Variants in PRKACB observed in about 807,000 individuals in gnomAD.
PRKACB encodes the protein cAMP-dependent protein kinase catalytic subunit beta.
Under a neutral mutation model 51.4 loss-of-function variants are expected in PRKACB, and 16 were observed. The ratio of observed to expected loss-of-function variants is 0.31; its 90% confidence interval spans 0.21 to 0.47. The LOEUF (loss-of-function observed/expected upper bound fraction) is 0.47, where lower values mean the gene tolerates loss of function less well. PRKACB is among the 20% of genes least tolerant of loss of function. PRKACB has a pLI of 1.00. For synonymous variants in PRKACB, 147 were observed against 154.4 expected (o/e 0.95, Z 0.35); for missense variants, 309 against 464.5 (o/e 0.67, Z 3.08).
chr1:84,121,794 C>T (rs1215488258), intron 1 of PRKACB, among the ~76,000 whole-genome samples: 1 of 152,062 alleles, frequency 6.6e-6, no homozygotes, highest in Non-Finnish European at 1.5e-5. Context: ...TTTCAGTTCT[C>T]TTTGTGAGAG....
At chr1:84,108,588 G>T (rs1419817146) in intron 1 of PRKACB, among the ~76,000 whole-genome samples, 2 of 151,942 alleles carry the variant, frequency 1.3e-5, no homozygotes, top group Non-Finnish European at 2.9e-5. Flanking sequence ...GCTTTAATCT[G>T]TTTATTTAAT....
chr1:84,206,028 TTGTC>T (rs1410185460), intron 8 of PRKACB, among the ~76,000 whole-genome samples: 1 of 152,162 alleles, frequency 6.6e-6, no homozygotes, highest in Middle Eastern at 3.2e-3. Flanking sequence ...TATAGCACCT[TTGTC>T]TGGCTGCGTT....
At chr1:84,117,785 C>T (rs1380928804) in intron 1 of PRKACB, among the ~76,000 whole-genome samples, 1 of 152,144 alleles carries the variant, frequency 6.6e-6, no homozygotes, top group Non-Finnish European at 1.5e-5. Flanking sequence ...GCCTCTATTT[C>T]ATTTAATTCT....
chr1:84,175,057 G>C, intron 1 of PRKACB: 1 of 1,456,784 alleles, frequency 6.9e-7, no homozygotes, highest in Non-Finnish European at 9.0e-7. Context: ...GAAATATCTG[G>C]TAGGCAATTA....
chr1:84,179,324 A>T (rs1662423292), intron 2 of PRKACB, 86 bp downstream of exon 2: 16 of 1,390,800 alleles, frequency 1.2e-5, no homozygotes, highest in Non-Finnish European at 1.3e-5. Context: ...TTACTTTAGA[A>T]ATTTTAATTT....
chr1:84,195,058 G>A (rs145825794), intron 5 of PRKACB, among the ~76,000 whole-genome samples: 3 of 152,260 alleles, frequency 2.0e-5, no homozygotes, highest in African/African-American at 7.2e-5. Context: ...ATGTAAACGT[G>A]CATTTTATGT....
At chr1:84,180,415 G>T (rs1352828031) in intron 2 of PRKACB, among the ~76,000 whole-genome samples, 1 of 151,018 alleles carries the variant, frequency 6.6e-6, no homozygotes, top group Non-Finnish European at 1.5e-5. Flanking sequence ...TTGGCACTTG[G>T]TGGGGGAGAA....
At chr1:84,198,173 T>C (rs1287187467) in intron 7 of PRKACB, among the ~76,000 whole-genome samples, 1 of 152,164 alleles carries the variant, frequency 6.6e-6, no homozygotes, top group Non-Finnish European at 1.5e-5. Context: ...CTAGAGATGA[T>C]ATGTACTAGT....
intron 1 of PRKACB, among the ~76,000 whole-genome samples, chr1:84,147,494 T>C (rs1654262225): frequency 6.6e-6 from 1 of 152,098 alleles, no homozygotes; most frequent in Non-Finnish European, 1.5e-5. Context: ...CAATTTCTAC[T>C]CATTTGGTAA....
intron 1 of PRKACB, among the ~76,000 whole-genome samples, chr1:84,109,710 A>AT (rs1322481468): frequency 6.6e-6 from 1 of 151,794 alleles, no homozygotes; most frequent in East Asian, 1.9e-4. Flanking sequence ...AGCCTCTCAT[A>AT]TTTTTACTTT....
chr1:84,216,175 C>T (rs1338496973), intron 9 of PRKACB, among the ~76,000 whole-genome samples: 2 of 151,834 alleles, frequency 1.3e-5, no homozygotes, highest in Admixed American at 6.6e-5. Flanking sequence ...CCCGTCTCTA[C>T]AAAAAATACA....
intron 1 of PRKACB, among the ~76,000 whole-genome samples, chr1:84,082,429 T>C (rs983817064): frequency 6.6e-6 from 1 of 152,352 alleles, no homozygotes; most frequent in Middle Eastern, 3.4e-3. Flanking sequence ...AGATTCAATA[T>C]AGTAGAATTT....
At position 84,182,338 on chromosome 1, in the gene PRKACB, TTTG is replaced by T; in HGVS notation, c.378+16_378+18del. The T allele has an allele frequency of 5.3e-6, 8 of 1,521,440 alleles. No individual in the cohort carries two copies. The East Asian group carries it at 1.7e-4, about 32-fold the overall frequency. The allele number at this position is 1,521,440 out of a possible 1,614,324, so 94.2% of individuals were successfully genotyped here. A position where few individuals can be genotyped will look rare whatever the true frequency, so the allele number is the denominator to read the frequency against. Reference sequence around the variant, plus strand: ...CTTAGATAAGCAGAAGGTGAGTGTATTTGTTGTTATTTACCTTCAGGGTAAACT... The same window carrying T: ...CTTAGATAAGCAGAAGGTGAGTGTATTTGTTATTTACCTTCAGGGTAAACT... On this transcript the variant is annotated intron_variant, in intron 3 of 9. Transcript: ENST00000370685.
intron 1 of PRKACB, among the ~76,000 whole-genome samples, chr1:84,119,654 C>G (rs1650906326): frequency 6.6e-6 from 1 of 152,180 alleles, no homozygotes; most frequent in African/African-American, 2.4e-5. Context: ...AGCCCTAGTA[C>G]TAAATTATAA....
chr1:84,110,208 C>CACA (rs1357229602), intron 1 of PRKACB, among the ~76,000 whole-genome samples: 2 of 151,578 alleles, frequency 1.3e-5, no homozygotes, highest in African/African-American at 4.8e-5. Flanking sequence ...TAAAAGATAA[C>CACA]AATACAACAA....
chr1:84,137,190 T>TA (rs1306434185), intron 1 of PRKACB, among the ~76,000 whole-genome samples: 1 of 152,022 alleles, frequency 6.6e-6, no homozygotes, highest in Non-Finnish European at 1.5e-5. Flanking sequence ...GAAAACAGAC[T>TA]AATACATCCA....
At chr1:84,158,634 A>T (rs1020534775) in intron 1 of PRKACB, among the ~76,000 whole-genome samples, 2 of 151,860 alleles carry the variant, frequency 1.3e-5, no homozygotes, top group Non-Finnish European at 2.9e-5. Context: ...TGTCATTTTT[A>T]AAAATGATGT....
intron 9 of PRKACB, among the ~76,000 whole-genome samples, chr1:84,219,491 G>A (rs796355415): frequency 1.4e-4 from 21 of 152,060 alleles, no homozygotes; most frequent in African/African-American, 4.1e-4. Flanking sequence ...GATTACAGGC[G>A]TGAGCCACCA....
At chr1:84,168,003 A>T (rs72710870) in intron 1 of PRKACB, among the ~76,000 whole-genome samples, 6 of 151,728 alleles carry the variant, frequency 4.0e-5, no homozygotes, top group Non-Finnish European at 8.9e-5. Context: ...CTTGTTAAGC[A>T]AACAAGGTCT....
Sources: allele counts gnomAD v4.1 joint callset (sites outside exome capture counted in the v4.1 genomes callset), GRCh38; gene constraint gnomAD v4.1.1; transcripts MANE v1.5; gene names NCBI Gene and HGNC (gene_info 2026-07-23, HGNC 2026-07-21).